The following GNB1 variants were observed in gnomAD, a reference collection of about 807,000 sequenced individuals.
GNB1 encodes the protein G protein subunit beta 1, also known as guanine nucleotide-binding protein G(I)/G(S)/G(T) subunit beta-1.
A neutral mutation model predicts 42.9 loss-of-function variants in GNB1; 2 were observed. The observed-to-expected ratio is 0.05, with a 90% CI of 0.02 to 0.15. GNB1 has a LOEUF of 0.15. Ranked by LOEUF, GNB1 falls within the 10% of genes least tolerant of loss-of-function variation. The pLI is 1.00. For missense variants in GNB1, 193 were observed against 462.2 expected, an observed-to-expected ratio of 0.42 and a Z score of 5.34; for synonymous variants, 183 against 174.7, an observed-to-expected ratio of 1.05 and a Z score of -0.38.
intron 6 of GNB1, 81 bp downstream of exon 6, chr1:1,806,394 T>C: frequency 1.2e-6 from 1 of 854,210 alleles, no homozygotes. Flanking sequence ...CTGTATTACG[T>C]GATTTAACAA....
chr1:1,874,967 G>C (rs1028145311), intron 1 of GNB1, among the ~76,000 whole-genome samples: 2 of 152,120 alleles, frequency 1.3e-5, no homozygotes, highest in Non-Finnish European at 2.9e-5. Context: ...CAGATCATCA[G>C]GCATTAGATT....
intron 1 of GNB1, among the ~76,000 whole-genome samples, chr1:1,854,462 C>T (rs993115501): frequency 2.0e-5 from 3 of 152,160 alleles, no homozygotes; most frequent in African/African-American, 7.2e-5. Flanking sequence ...TTAAATTAAA[C>T]TCTGACAGTA....
At chr1:1,846,115 T>C (rs1010434280) in intron 1 of GNB1, among the ~76,000 whole-genome samples, 1 of 151,834 alleles carries the variant, frequency 6.6e-6, no homozygotes, top group African/African-American at 2.4e-5. Flanking sequence ...TGGCCAAATT[T>C]AGGACAATCT....
At chr1:1,817,129 G>A (rs1646868986) in intron 4 of GNB1, among the ~76,000 whole-genome samples, 1 of 151,946 alleles carries the variant, frequency 6.6e-6, no homozygotes, top group Non-Finnish European at 1.5e-5. Context: ...ACCCCTGCTG[G>A]CCACTAGTCC....
intron 1 of GNB1, among the ~76,000 whole-genome samples, chr1:1,861,773 G>A (rs16824500): frequency 0.024 from 3,656 of 152,172 alleles, 145 homozygotes; most frequent in African/African-American, 0.083. Flanking sequence ...AGCACTGGAA[G>A]CATTCACCAG....
chr1:1,787,471 C>T lies in GNB1; in HGVS notation c.917-34G>A. 2 of 1,292,716 alleles carry T rather than the reference C, an allele frequency of 1.5e-6. No homozygotes were observed. The highest frequency in any genetic ancestry group is 2.4e-5 in the South Asian group (2 of 83,884). The allele number at this position is 1,292,716 out of a possible 1,614,324, so 80.1% of individuals were successfully genotyped here. On this transcript the variant is annotated intron_variant, in intron 10 of 11. Transcript: ENST00000378609. The surrounding 1 kb of genome is among the most constrained non-coding windows in gnomAD (Gnocchi z 4.4). ...AAACAACAGCAGAATCACACCAAAG[C>T]CCAGAGGCATCGATCTCACCTGTGT... is the stretch of plus-strand genomic sequence containing the variant.
chr1:1,867,830 C>G (rs970645558), intron 1 of GNB1, among the ~76,000 whole-genome samples: 5 of 152,164 alleles, frequency 3.3e-5, no homozygotes, highest in Non-Finnish European at 4.4e-5. Context: ...AGCTGGATTG[C>G]CAGTTGATCC....
intron 1 of GNB1, among the ~76,000 whole-genome samples, chr1:1,851,852 T>A (rs768299501): frequency 1.3e-5 from 2 of 151,932 alleles, no homozygotes; most frequent in Non-Finnish European, 2.9e-5. Context: ...GAGACCAGCC[T>A]GACCAACACG....
chr1:1,865,149 C>A (rs779178818), intron 1 of GNB1, among the ~76,000 whole-genome samples: 41 of 151,108 alleles, frequency 2.7e-4, no homozygotes, highest in East Asian at 1.9e-4. Context: ...GAAGTCCCAG[C>A]AACTCGGGAG....
At chr1:1,796,824 T>G (rs1287228111) in intron 7 of GNB1, among the ~76,000 whole-genome samples, 1 of 152,186 alleles carries the variant, frequency 6.6e-6, no homozygotes, top group Non-Finnish European at 1.5e-5. Flanking sequence ...TGTGAAGGGC[T>G]GTCCTGTGTC....
intron 5 of GNB1, among the ~76,000 whole-genome samples, chr1:1,807,588 T>C (rs1428779622): frequency 6.6e-6 from 1 of 150,648 alleles, no homozygotes; most frequent in Non-Finnish European, 1.5e-5. Flanking sequence ...TGAGCTAAAA[T>C]TGGAATCAAG....
chr1:1,810,079 T>A lies in GNB1; in HGVS notation c.204-3541A>T, dbSNP rs530023977. 6.2e-3 allele frequency among the ~76,000 whole-genome samples: 933 copies of A among 151,270 alleles called. 5 individuals carry two copies. The highest frequency in any genetic ancestry group is 0.016 in the East Asian group (81 of 5,076). On this transcript the variant is annotated intron_variant, in intron 5 of 11. Coordinates refer to ENST00000378609, the MANE Select transcript of GNB1 (RefSeq NM_002074.5). ...GAGACCCTGTCTCCACAAAAAAATA[T>A]ATATATATATTTTTTGAGATGGAGT...
chr1:1,816,760 T>C (rs141381782), intron 4 of GNB1, among the ~76,000 whole-genome samples: 2,092 of 151,180 alleles, frequency 0.014, 46 homozygotes, highest in African/African-American at 0.048. Flanking sequence ...GCAATTCTCC[T>C]GCCTCAGCCC....
chr1:1,845,311 C>T (rs183720968), intron 1 of GNB1, among the ~76,000 whole-genome samples: 4 of 152,270 alleles, frequency 2.6e-5, no homozygotes, highest in Admixed American at 6.5e-5. Context: ...CGGTGGCTCA[C>T]GCCTGTAATC....
At chr1:1,816,118 G>A (rs773679841) in intron 4 of GNB1, among the ~76,000 whole-genome samples, 15 of 152,288 alleles carry the variant, frequency 9.8e-5, no homozygotes, top group South Asian at 4.1e-4. Flanking sequence ...GGCCAGCCTT[G>A]AAGCACTTGC....
chr1:1,868,165 T>C (rs1320280912), intron 1 of GNB1, among the ~76,000 whole-genome samples: 4 of 152,124 alleles, frequency 2.6e-5, no homozygotes, highest in Non-Finnish European at 5.9e-5. Context: ...CTTCATATAG[T>C]GTGTGTTTTG....
chr1:1,862,457 C>T lies in GNB1; in HGVS notation c.-95-23219G>A, dbSNP rs150149421. ...GTCTATTACCCGGTAGTGTAAAGTA[C>T]TTCATTTTTATTAATTTTTTTTTTT... On this transcript the variant is annotated intron_variant, in intron 1 of 11. Coordinates refer to ENST00000378609, the MANE Select transcript of GNB1 (RefSeq NM_002074.5). Among the ~76,000 whole-genome samples the T allele has an allele frequency of 2.9e-3, 448 of 151,912 alleles. 4 individuals are homozygous for T. The highest frequency in any genetic ancestry group is 0.01 in the African/African-American group (430 of 41,414).
At chr1:1,851,119 T>C (rs1006712964) in intron 1 of GNB1, among the ~76,000 whole-genome samples, 1 of 150,978 alleles carries the variant, frequency 6.6e-6, no homozygotes, top group South Asian at 2.1e-4. Context: ...AATACAAAAA[T>C]TAGCAAGGCG....
At chr1:1,858,830 A>C (rs1274665790) in intron 1 of GNB1, among the ~76,000 whole-genome samples, 1 of 152,172 alleles carries the variant, frequency 6.6e-6, no homozygotes, top group African/African-American at 2.4e-5. Context: ...TCACATCCTA[A>C]TAAAGCCCTG....
Sources: gnomAD v4.1 joint callset for allele counts (sites outside exome capture counted in the v4.1 genomes callset) on GRCh38, gnomAD v4.1.1 for gene constraint, Gnocchi (gnomAD v3.1) non-coding constraint, MANE v1.5 for transcripts, NCBI Gene and HGNC (gene_info 2026-07-23, HGNC 2026-07-21) for gene names.